Variants in CUX1 observed in about 807,000 individuals in gnomAD.
The protein encoded by CUX1 is protein CASP.
In CUX1, 31 loss-of-function variants were observed where a neutral mutation model predicts 158.8. The observed-to-expected ratio is 0.20, with a 90% CI of 0.15 to 0.26. The LOEUF is 0.26. Ranked by LOEUF, CUX1 falls within the 10% of genes least tolerant of loss-of-function variation. The pLI is 1.00. For synonymous variants in CUX1, 879 were observed against 862.1 expected (o/e 1.02, Z -0.34); for missense variants, 1,589 against 2,014.6 (o/e 0.79, Z 4.04).
intron 8 of CUX1, among the ~76,000 whole-genome samples, chr7:102,152,482 C>T (rs184421292): frequency 6.6e-6 from 1 of 152,124 alleles, no homozygotes; most frequent in East Asian, 1.9e-4. Context: ...GTAGTAGCAC[C>T]ATCTTGGCTC....
intron 4 of CUX1, among the ~76,000 whole-genome samples, chr7:102,073,009 T>C (rs758546480): frequency 5.3e-5 from 8 of 152,054 alleles, no homozygotes; most frequent in Admixed American, 2.6e-4. Flanking sequence ...TGCTACCACT[T>C]CTGGGAGCAG....
chr7:101,821,675 T>TC (rs1313395675), intron 1 of CUX1, among the ~76,000 whole-genome samples: 2 of 93,046 alleles, frequency 2.1e-5, no homozygotes, highest in East Asian at 2.7e-4. Flanking sequence ...TTTTTTCTTT[T>TC]TTTTTTTTTT....
At chr7:102,239,715 G>A (rs1399376680) in intron 23 of CUX1, 131 bp downstream of exon 23, 10 of 1,022,294 alleles carry the variant, frequency 9.8e-6, no homozygotes, top group South Asian at 7.1e-5. Flanking sequence ...TGATTGGTCC[G>A]TTCCTTGGTC....
chr7:101,991,234 A>C (rs1815076543), intron 2 of CUX1, among the ~76,000 whole-genome samples: 1 of 152,222 alleles, frequency 6.6e-6, no homozygotes, highest in South Asian at 2.1e-4. Context: ...GTTTGAAACG[A>C]AGCTTTGTAG....
At chr7:102,148,047 G>A (rs1048681899) in intron 8 of CUX1, among the ~76,000 whole-genome samples, 1 of 152,180 alleles carries the variant, frequency 6.6e-6, no homozygotes, top group Non-Finnish European at 1.5e-5. Flanking sequence ...TACCTGCTGT[G>A]TTCCCTGGAA....
At chr7:102,054,739 G>A (rs188719485) in intron 3 of CUX1, among the ~76,000 whole-genome samples, 55 of 152,232 alleles carry the variant, frequency 3.6e-4, no homozygotes, top group Middle Eastern at 3.4e-3. Context: ...AGGCCAAGAC[G>A]GGAGGATCAC....
intron 18 of CUX1, among the ~76,000 whole-genome samples, chr7:102,278,954 C>T (rs1185090116): frequency 1.3e-5 from 2 of 152,054 alleles, no homozygotes; most frequent in Non-Finnish European, 2.9e-5. Flanking sequence ...GTGGGAGGAT[C>T]ACTTGAGCCC....
At chr7:102,117,087 C>T (rs185681329) in intron 8 of CUX1, among the ~76,000 whole-genome samples, 1 of 152,118 alleles carries the variant, frequency 6.6e-6, no homozygotes, top group Non-Finnish European at 1.5e-5. Flanking sequence ...AGGCAGGGCA[C>T]TCCCATTGGG....
At chr7:101,883,290 C>T (rs1008550155) in intron 1 of CUX1, among the ~76,000 whole-genome samples, 1 of 152,222 alleles carries the variant, frequency 6.6e-6, no homozygotes, top group Non-Finnish European at 1.5e-5. Context: ...TCCTTTTCAT[C>T]CCAATCCTGC....
At chr7:101,888,264 G>A (rs930804246) in intron 1 of CUX1, among the ~76,000 whole-genome samples, 1 of 152,064 alleles carries the variant, frequency 6.6e-6, no homozygotes, top group African/African-American at 2.4e-5. Context: ...CCAGGAGACG[G>A]AGGTTGTAGT....
At chr7:102,148,646 A>G (rs1277562045) in intron 8 of CUX1, among the ~76,000 whole-genome samples, 5 of 149,136 alleles carry the variant, frequency 3.4e-5, no homozygotes, top group East Asian at 3.9e-4. Context: ...TAATAAATGT[A>G]TATATATAAT....
chr7:102,262,543 C>T (rs1790480797), downstream of CUX1, among the ~76,000 whole-genome samples: 1 of 152,224 alleles, frequency 6.6e-6, no homozygotes, highest in Non-Finnish European at 1.5e-5. Flanking sequence ...CAGTTACTGG[C>T]AGTGGAAGCA....
intron 8 of CUX1, among the ~76,000 whole-genome samples, chr7:102,136,774 C>T (rs1199838768): frequency 6.6e-6 from 1 of 152,198 alleles, no homozygotes; most frequent in Admixed American, 6.5e-5. Flanking sequence ...GTATCATTCT[C>T]TTCCTTTGCT....
chr7:102,249,826 A>G lies in CUX1; in HGVS notation c.*784A>G, dbSNP rs963072393. The G allele has an allele frequency of 3.8e-5, 37 of 985,558 alleles. No homozygotes were observed. Among genetic ancestry groups the G allele is most frequent in the Admixed American group, 6.1e-5 (1 of 16,266 alleles). The allele number at this position is 985,558 out of a possible 1,614,324, so 61.1% of individuals were successfully genotyped here. A position where few individuals can be genotyped will look rare whatever the true frequency, so the allele number is the denominator to read the frequency against. ...CAAGAAAAGAATCTTCTCGTTTGAA[A>G]CTTTGAATTAAAATAAAACACATTT... On this transcript the variant is annotated 3_prime_UTR_variant, in exon 24 of 24. Transcript: ENST00000292535.
rs1354341627 is a variant in CUX1 at position 102,249,873 on chromosome 7, A to T, written c.*831A>T. The T allele has an allele frequency of 1.0e-6, 1 of 985,670 alleles. No homozygotes were observed. The allele number at this position is 985,670 out of a possible 1,614,324, so 61.1% of individuals were successfully genotyped here. On this transcript the variant is annotated 3_prime_UTR_variant, in exon 24 of 24. Transcript: ENST00000292535. ...ATTTACTCCACATATTTTTTAACAAAAAGAAAACGTCACATCAGGAAACTC... is the reference window on the plus strand; with the variant it reads ...ATTTACTCCACATATTTTTTAACAATAAGAAAACGTCACATCAGGAAACTC...
intron 4 of CUX1, among the ~76,000 whole-genome samples, chr7:102,095,783 C>G (rs1316011771): frequency 2.0e-5 from 3 of 152,208 alleles, no homozygotes; most frequent in African/African-American, 7.2e-5. Flanking sequence ...CACTGGCGCC[C>G]ATACCAGAAA....
At chr7:101,832,932 A>C (rs999195812) in intron 1 of CUX1, among the ~76,000 whole-genome samples, 2 of 152,062 alleles carry the variant, frequency 1.3e-5, no homozygotes, top group African/African-American at 4.8e-5. Flanking sequence ...GGTGGTGTGC[A>C]GGGAGGAGCT....
chr7:102,138,724 T>C (rs539342012), intron 8 of CUX1, among the ~76,000 whole-genome samples: 2 of 152,190 alleles, frequency 1.3e-5, no homozygotes, highest in East Asian at 1.9e-4. Context: ...TAAAGTTATA[T>C]GGATTTTCAA....
intron 4 of CUX1, among the ~76,000 whole-genome samples, chr7:102,090,447 G>A (rs1214328537): frequency 6.6e-6 from 1 of 151,660 alleles, no homozygotes; most frequent in African/African-American, 2.4e-5. Context: ...GAGTGCAGTG[G>A]CGCAATCTCA....
Sources: gnomAD v4.1 joint callset for allele counts (sites outside exome capture counted in the v4.1 genomes callset) on GRCh38, gnomAD v4.1.1 for gene constraint, MANE v1.5 for transcripts, NCBI Gene and HGNC (gene_info 2026-07-23, HGNC 2026-07-21) for gene names.